AFM: variants seen among roughly 807,000 people sequenced by gnomAD.
The protein encoded by AFM is afamin.
AFM carries 82 observed loss-of-function variants against 68.7 expected under a neutral mutation model. The ratio of observed to expected loss-of-function variants is 1.19; its 90% CI spans 1.00 to 1.43. The LOEUF is 1.43. Among genes scored for constraint, AFM ranks in the 40% most tolerant of loss-of-function variants. The pLI is 0.00. For missense variants in AFM, 772 were observed against 701.8 expected, an observed-to-expected ratio of 1.10 and a Z score of -1.13; for synonymous variants, 250 against 234.2, an observed-to-expected ratio of 1.07 and a Z score of -0.61.
chr4:73,485,032 T>C (rs1276935209), intron 3 of AFM, among the ~76,000 whole-genome samples: 1 of 152,186 alleles, frequency 6.6e-6, no homozygotes, highest in Non-Finnish European at 1.5e-5. Flanking sequence ...TGCTGTGTAT[T>C]TGCAGTATGT....
At chr4:73,498,172 T>G (rs1361840819) in intron 10 of AFM, among the ~76,000 whole-genome samples, 3 of 152,214 alleles carry the variant, frequency 2.0e-5, no homozygotes, top group Non-Finnish European at 4.4e-5. Flanking sequence ...TGTTTAACAC[T>G]TTAATATTTA....
chr4:73,485,961 T>C lies in AFM; in HGVS notation c.370T>C (p.Cys124Arg). 1.2e-6 allele frequency: 2 copies of C among 1,613,976 alleles called. No homozygotes were observed. The highest frequency in any genetic ancestry group is 2.2e-5 in the East Asian group (1 of 44,878). Reference protein sequence around the residue: ...CSKVDAQRRLCFFYNKKSDVG... With the variant: ...CSKVDAQRRLRFFYNKKSDVG... ...TAAGGTTGATGCTCAAAGAAGACTC[T>C]GTTTCTTCTATAACAAGAAATCTGA... The change falls in exon 4 of 15, where the codon TGT becomes CGT. Residue 124 changes from cysteine (C) to arginine (R), a missense_variant. Physicochemically the swap from Cys to Arg is radical, Grantham distance 180. Coordinates refer to ENST00000226355, the MANE Select transcript of AFM (RefSeq NM_001133.2).
Position 73,500,025 on chromosome 4 carries a change from T to A in AFM, c.1444T>A (p.Leu482Ile), listed in dbSNP as rs745573129. The A allele has an allele frequency of 3.1e-6, 5 of 1,613,874 alleles. No individual in the cohort carries two copies. The East Asian group carries it at 1.1e-4, about 36-fold the overall frequency. The change falls in exon 12 of 15, where the codon TTA (leucine) becomes ATA (isoleucine). Residue 482 changes from leucine (L) to isoleucine (I), a missense_variant. Leu to Ile is a conservative substitution (Grantham distance 5, BLOSUM62 2). Transcript: ENST00000226355. ...DNLADLVFGE[L>I]CGVNENRTIN... ...ACAGGCAGATTTAGTTTTTGGAGAG[T>A]TATGTGGAGTAAATGAAAATCGAAC...
At chr4:73,489,087 G>A (rs1032291752) in intron 7 of AFM, among the ~76,000 whole-genome samples, 1 of 152,126 alleles carries the variant, frequency 6.6e-6, no homozygotes, top group African/African-American at 2.4e-5. Context: ...TTTTAGAGAG[G>A]TTGGAAACAA....
chr4:73,502,531 G>C (rs1342946679), intron 13 of AFM, among the ~76,000 whole-genome samples: 1 of 152,146 alleles, frequency 6.6e-6, no homozygotes, highest in Non-Finnish European at 1.5e-5. Context: ...TCAGCAACCT[G>C]TGAATGTTAG....
At chr4:73,482,111 G>T (rs1233113216) in intron 1 of AFM, among the ~76,000 whole-genome samples, 1 of 152,166 alleles carries the variant, frequency 6.6e-6, no homozygotes, top group Non-Finnish European at 1.5e-5. Context: ...TCTATGACAG[G>T]ACAGAAAGTG....
In AFM at chr4:73,500,137, A is replaced by G; in HGVS notation, c.1556A>G (p.Tyr519Cys). Residue 519 changes from tyrosine (Y) to cysteine (C), a missense_variant, in exon 12 of 15, where the codon TAT becomes TGT. Coordinates refer to ENST00000226355, the MANE Select transcript of AFM (RefSeq NM_001133.2). ...GAGAGTTTGAAAGCTGATAAAACAT[A>G]TGTGCCTCCACCTTTCTCTCAAGAT... Reference protein sequence around the residue: ...CFESLKADKTYVPPPFSQDLF... With the variant: ...CFESLKADKTCVPPPFSQDLF... The G allele has an allele frequency of 6.2e-7, 1 of 1,614,034 alleles. No homozygotes were observed. Among genetic ancestry groups the G allele is most frequent in the Non-Finnish European group, 8.5e-7 (1 of 1,179,952 alleles).
chr4:73,502,221 T>TAC (rs776093905), intron 13 of AFM, among the ~76,000 whole-genome samples: 2 of 152,194 alleles, frequency 1.3e-5, no homozygotes, highest in Non-Finnish European at 2.9e-5. Flanking sequence ...ATCCCTGAAT[T>TAC]ACACCTTTGG....
Position 73,495,317 on chromosome 4 carries a change from C to G in AFM, c.1076C>G (p.Ser359Ter), listed in dbSNP as rs774608957. Residue 359 changes from serine to a stop codon, truncating the protein, a stop_gained, in exon 9 of 15, where the codon TCA becomes TGA. Coordinates refer to ENST00000226355, the MANE Select transcript of AFM (RefSeq NM_001133.2). LOFTEE classifies it high-confidence loss of function. ...CATTGCAGGTTTACTTTTGAATACT[C>G]AAGGAGACATCCAGACCTGTCTATA... is the stretch of plus-strand genomic sequence containing the variant. ...TFFAKFTFEYSRRHPDLSIPE... is the reference protein window; with the variant it reads ...TFFAKFTFEY The G allele has an allele frequency of 1.0e-5, 16 of 1,592,592 alleles. No homozygotes were observed. The highest frequency in any genetic ancestry group is 5.8e-5 in the South Asian group (5 of 86,866).
At chr4:73,481,975 A>G in intron 1 of AFM, 112 bp downstream of exon 1, 1 of 745,676 alleles carries the variant, frequency 1.3e-6, no homozygotes, top group Non-Finnish European at 2.2e-6. Flanking sequence ...TCACCCTCTC[A>G]CTAATTTACA....
At chr4:73,490,179 C>G (rs114753327) in intron 7 of AFM, among the ~76,000 whole-genome samples, 2 of 146,040 alleles carry the variant, frequency 1.4e-5, no homozygotes, top group Non-Finnish European at 3.0e-5. Context: ...CAGAATGAAA[C>G]CTTATTTCAA....
At chr4:73,483,635 G>A (rs1464559502) in intron 1 of AFM, among the ~76,000 whole-genome samples, 1 of 152,198 alleles carries the variant, frequency 6.6e-6, no homozygotes, top group Admixed American at 6.5e-5. Context: ...TAGACATTTA[G>A]CATGGTAATG....
chr4:73,499,638 G>A (rs940400033), intron 11 of AFM, among the ~76,000 whole-genome samples: 4 of 152,002 alleles, frequency 2.6e-5, no homozygotes, highest in African/African-American at 9.7e-5. Flanking sequence ...TCTCTTTAGG[G>A]CTGGGGTGGA....
chr4:73,491,269 G>A (rs1261361302), intron 7 of AFM, among the ~76,000 whole-genome samples: 1 of 152,156 alleles, frequency 6.6e-6, no homozygotes. Context: ...GTCCATTTGA[G>A]CAGTATTTGC....
At position 73,484,350 on chromosome 4, in the gene AFM, G is replaced by A. The variant is rs764970820; in HGVS notation, c.230G>A (p.Cys77Tyr). 9 of 1,612,172 alleles carry A rather than the reference G, an allele frequency of 5.6e-6. No homozygotes were observed. Among genetic ancestry groups the A allele is most frequent in the Non-Finnish European group, 7.6e-6 (9 of 1,179,312 alleles). ...VKDMVEYKDR[C>Y]MADKTLPECS... ...GACATGGTAGAATACAAAGACAGAT[G>A]TATGGCTGACAAGACGCTCCCAGAG... Residue 77 changes from cysteine to tyrosine, a missense_variant, in exon 3 of 15, where the codon TGT (cysteine) becomes TAT (tyrosine). Physicochemically the swap from Cys to Tyr is radical, Grantham distance 194 (BLOSUM62 -2). Transcript: ENST00000226355.
At position 73,491,870 on chromosome 4, in the gene AFM, A is replaced by G; in HGVS notation, c.844-2A>G. On this transcript the variant is annotated splice_acceptor_variant, in intron 7 of 14. Transcript: ENST00000226355. LOFTEE classifies it high-confidence loss of function. ...ATAATCTCTCATTCTTATTTGGTAC[A>G]GAGCAAGGTTATGAACCATATTTGT... The G allele has an allele frequency of 6.2e-7, 1 of 1,610,588 alleles. No homozygotes were observed.
At chr4:73,503,847 A>G (rs887335007) in intron 14 of AFM, 29 bp from the exon 15 acceptor site, 2 of 152,100 alleles carry the variant, frequency 1.3e-5, no homozygotes, top group African/African-American at 4.8e-5. Flanking sequence ...TGTTTTTTTG[A>G]TGCATGAAAT....
chr4:73,494,369 A>G (rs913654824), intron 8 of AFM, among the ~76,000 whole-genome samples: 1 of 152,120 alleles, frequency 6.6e-6, no homozygotes, highest in Middle Eastern at 3.4e-3. Flanking sequence ...GAAGATCTGA[A>G]CTTATTGTGA....
In AFM at chr4:73,487,780, T is replaced by C. The variant is rs757707337; in HGVS notation, c.672T>C (p.Cys224=). Residue 224 remains cysteine, a synonymous_variant, in exon 6 of 15, where the codon TGT becomes TGC. Coordinates refer to ENST00000226355, the MANE Select transcript of AFM (RefSeq NM_001133.2). The part of the protein sequence containing the change: ...KAFSSYQKHV[C]GALLKFGTKV... ...TTTCTTCTTATCAAAAACATGTCTG[T>C]GGGGCACTTTTGAAATTTGGAACCA... 9 of 1,613,416 alleles carry C rather than the reference T, an allele frequency of 5.6e-6. No individual in the cohort carries two copies. Among genetic ancestry groups the C allele is most frequent in the Non-Finnish European group, 6.8e-6 (8 of 1,179,490 alleles).
Sources: gnomAD v4.1 joint callset for allele counts (sites outside exome capture counted in the v4.1 genomes callset) on GRCh38, gnomAD v4.1.1 for gene constraint, MANE v1.5 for transcripts, NCBI Gene and HGNC (gene_info 2026-07-23, HGNC 2026-07-21) for gene names.